The following ADGRG7 variants were observed in gnomAD, a reference collection of about 807,000 sequenced individuals.
The protein encoded by ADGRG7 is G-protein coupled receptor 128.
ADGRG7 carries 82 observed loss-of-function variants against 88.6 expected under a neutral mutation model. The ratio of observed to expected loss-of-function variants is 0.93; its 90% CI spans 0.77 to 1.11. ADGRG7 has a LOEUF of 1.11. Ranked by LOEUF, ADGRG7 falls within the 50% of genes most tolerant of loss-of-function variation. The probability of loss-of-function intolerance (pLI) is 0.00; values close to 1 mark genes in which losing one functional copy is unlikely to be tolerated. For missense variants in ADGRG7, 945 were observed against 953.4 expected, an observed-to-expected ratio of 0.99 and a Z score of 0.12; for synonymous variants, 381 against 345.2, an observed-to-expected ratio of 1.10 and a Z score of -1.15.
chr3:100,640,755 C>G (rs1286355672), intron 6 of ADGRG7, among the ~76,000 whole-genome samples: 1 of 152,186 alleles, frequency 6.6e-6, no homozygotes, highest in Non-Finnish European at 1.5e-5. Context: ...CTCCTGACCT[C>G]AGGTGATCCA....
At chr3:100,658,602 T>G (rs1357708106) in intron 13 of ADGRG7, among the ~76,000 whole-genome samples, 1 of 152,170 alleles carries the variant, frequency 6.6e-6, no homozygotes, top group Non-Finnish European at 1.5e-5. Context: ...TGATGTGATT[T>G]CTGCCTGGAA....
intron 4 of ADGRG7, among the ~76,000 whole-genome samples, chr3:100,634,377 G>C (rs1707502221): frequency 6.6e-6 from 1 of 152,116 alleles, no homozygotes; most frequent in Non-Finnish European, 1.5e-5. Flanking sequence ...AGCACCTACT[G>C]CATGCCAAAT....
chr3:100,654,521 G>A, intron 11 of ADGRG7: 1 of 241,124 alleles, frequency 4.1e-6, no homozygotes, highest in East Asian at 1.0e-4. Context: ...GACTACGCAG[G>A]GCTACCTACC....
intron 8 of ADGRG7, among the ~76,000 whole-genome samples, chr3:100,644,821 C>T (rs1707713556): frequency 6.6e-6 from 1 of 152,150 alleles, no homozygotes. Flanking sequence ...ATAAGCCACT[C>T]TGCCTAGTCT....
chr3:100,643,098 C>G (rs75566957), intron 6 of ADGRG7, among the ~76,000 whole-genome samples, 168 bp from the exon 7 acceptor site: 1 of 152,160 alleles, frequency 6.6e-6, no homozygotes, highest in South Asian at 2.1e-4. Flanking sequence ...GTACATATAA[C>G]ACAACAAAAC....
intron 1 of ADGRG7, among the ~76,000 whole-genome samples, chr3:100,626,424 C>A (rs769391564): frequency 2.0e-5 from 3 of 152,166 alleles, no homozygotes; most frequent in African/African-American, 7.2e-5. Context: ...GGAGAATAGA[C>A]ACCTTAGCAA....
At chr3:100,691,601 C>G (rs746762737) in intron 15 of ADGRG7, among the ~76,000 whole-genome samples, 3 of 151,602 alleles carry the variant, frequency 2.0e-5, no homozygotes, top group Non-Finnish European at 2.9e-5. Context: ...TGGAGAATTC[C>G]CATGTACACT....
At chr3:100,615,065 T>G (rs1707205222) in intron 1 of ADGRG7, among the ~76,000 whole-genome samples, 1 of 152,214 alleles carries the variant, frequency 6.6e-6, no homozygotes, top group African/African-American at 2.4e-5. Flanking sequence ...ATGCTGCCTG[T>G]TGCAATCAAT....
intron 1 of ADGRG7, among the ~76,000 whole-genome samples, chr3:100,620,445 T>G (rs612621): frequency 2.0e-5 from 3 of 151,938 alleles, no homozygotes; most frequent in Non-Finnish European, 4.4e-5. Flanking sequence ...AACCCACAGC[T>G]AACATCATAC....
At chr3:100,669,141 G>T (rs1465103855) in intron 15 of ADGRG7, 36 bp downstream of exon 15, 13 of 1,447,596 alleles carry the variant, frequency 9.0e-6, no homozygotes, top group East Asian at 2.5e-5. Context: ...AGCAGAACAC[G>T]CAGTGGTGGA....
intron 15 of ADGRG7, among the ~76,000 whole-genome samples, chr3:100,689,718 C>A (rs1340912063): frequency 3.9e-5 from 6 of 152,232 alleles, no homozygotes; most frequent in African/African-American, 1.4e-4. Flanking sequence ...TCTCTTCTGG[C>A]TTGCAGAGTT....
chr3:100,659,274 A>G (rs1012425858), intron 13 of ADGRG7, among the ~76,000 whole-genome samples: 1 of 151,298 alleles, frequency 6.6e-6, no homozygotes, highest in Non-Finnish European at 1.5e-5. Flanking sequence ...CTACTAAAAA[A>G]AAAAAATACA....
At chr3:100,619,138 G>A (rs1707269941) in intron 1 of ADGRG7, among the ~76,000 whole-genome samples, 1 of 151,918 alleles carries the variant, frequency 6.6e-6, no homozygotes, top group Admixed American at 6.6e-5. Flanking sequence ...GGGTTTTCTA[G>A]ATATACAATC....
At chr3:100,663,110 C>T (rs1376394357) in intron 14 of ADGRG7, among the ~76,000 whole-genome samples, 1 of 152,072 alleles carries the variant, frequency 6.6e-6, no homozygotes, top group African/African-American at 2.4e-5. Flanking sequence ...TATCACAGCT[C>T]TTAGCTCCTG....
At chr3:100,645,911 A>G (rs1707736069) in intron 8 of ADGRG7, 34 bp from the exon 9 acceptor site, 1 of 1,588,442 alleles carries the variant, frequency 6.3e-7, no homozygotes, top group East Asian at 2.2e-5. Context: ...CTTACAGTGC[A>G]CTTATTGATT....
At chr3:100,627,013 A>G (rs531616210) in intron 1 of ADGRG7, among the ~76,000 whole-genome samples, 11 of 152,310 alleles carry the variant, frequency 7.2e-5, no homozygotes, top group African/African-American at 2.6e-4. Context: ...AGCATTTCAT[A>G]TATTTGATGA....
intron 15 of ADGRG7, among the ~76,000 whole-genome samples, chr3:100,693,645 A>G (rs569866996): frequency 6.6e-6 from 1 of 152,338 alleles, no homozygotes; most frequent in South Asian, 2.1e-4. Context: ...GAGACATCCA[A>G]GGATATTTAT....
intron 9 of ADGRG7, 69 bp downstream of exon 9, chr3:100,646,177 A>G: frequency 1.0e-6 from 1 of 990,326 alleles, no homozygotes; most frequent in Non-Finnish European, 1.4e-6. Flanking sequence ...GGCAGCTGAG[A>G]CTGAGTAGAG....
chr3:100,652,759 A>G (rs1359181456), intron 11 of ADGRG7, among the ~76,000 whole-genome samples: 2 of 152,084 alleles, frequency 1.3e-5, no homozygotes, highest in African/African-American at 2.4e-5. Flanking sequence ...ATACACACAC[A>G]CCACACCATA....
Sources: allele counts gnomAD v4.1 joint callset (sites outside exome capture counted in the v4.1 genomes callset), GRCh38; gene constraint gnomAD v4.1.1; transcripts MANE v1.5; gene names NCBI Gene and HGNC (gene_info 2026-07-23, HGNC 2026-07-21).